ABCC2: variants seen among roughly 807,000 people sequenced by gnomAD.
The protein encoded by ABCC2 is ATP binding cassette subfamily C member 2.
ABCC2 carries 157 observed loss-of-function variants against 173.4 expected under a neutral mutation model. The observed-to-expected ratio is 0.91, with a 90% CI of 0.80 to 1.03. ABCC2 has a LOEUF of 1.03. Among genes scored for constraint, ABCC2 ranks in the 50% least tolerant of loss-of-function variants. The pLI, the probability that ABCC2 is intolerant of heterozygous loss-of-function variation, is 0.00. For synonymous variants in ABCC2, 657 were observed against 693.5 expected (o/e 0.95, Z 0.83); for missense variants, 1,822 against 1,852.3 (o/e 0.98, Z 0.30).
chr10:99,792,942 A>G (rs1314915361), intron 3 of ABCC2, among the ~76,000 whole-genome samples: 1 of 152,216 alleles, frequency 6.6e-6, no homozygotes, highest in Non-Finnish European at 1.5e-5. Flanking sequence ...AGGCAGAGCA[A>G]TGTCAGCTGG....
intron 30 of ABCC2, 117 bp from the exon 31 acceptor site, chr10:99,850,485 G>A: frequency 9.8e-7 from 1 of 1,022,238 alleles, no homozygotes; most frequent in Non-Finnish European, 1.5e-6. Flanking sequence ...AACATTCCAG[G>A]GGAATTTTGG....
chr10:99,794,047 A>T (rs760256321), intron 5 of ABCC2, 48 bp downstream of exon 5: 2 of 1,505,470 alleles, frequency 1.3e-6, no homozygotes, highest in South Asian at 2.3e-5. Context: ...ATTGGATGAT[A>T]TCTTAATGAA....
chr10:99,843,949 A>G (rs768176532), intron 27 of ABCC2, 49 bp downstream of exon 27: 16 of 1,414,992 alleles, frequency 1.1e-5, no homozygotes, highest in Non-Finnish European at 1.6e-5. Flanking sequence ...ACAACATGCA[A>G]CTCCTTCGAG....
intron 29 of ABCC2, among the ~76,000 whole-genome samples, 195 bp downstream of exon 29, chr10:99,845,977 C>T (rs1468768833): frequency 6.6e-6 from 1 of 152,192 alleles, no homozygotes; most frequent in African/African-American, 2.4e-5. Context: ...GCATTTGTGG[C>T]TGCCTGTATC....
chr10:99,846,096 T>G (rs1026874792), intron 29 of ABCC2, among the ~76,000 whole-genome samples: 1 of 152,194 alleles, frequency 6.6e-6, no homozygotes, highest in Non-Finnish European at 1.5e-5. Flanking sequence ...GCATTAGCAG[T>G]TTTGCCGCTG....
intron 30 of ABCC2, among the ~76,000 whole-genome samples, chr10:99,848,990 C>T (rs767748193): frequency 7.8e-4 from 118 of 152,082 alleles, no homozygotes; most frequent in Non-Finnish European, 1.5e-3. Flanking sequence ...TTTGGGAGGC[C>T]GAGGCAGCCG....
rs766294851 is a variant in ABCC2 at position 99,851,488 on chromosome 10, C to T, written c.4509-14C>T. 1.9e-6 allele frequency: 3 copies of T among 1,613,852 alleles called. No individual in the cohort carries two copies. The African/African-American group carries it at 4.0e-5, about 22-fold the overall frequency. On this transcript the variant is annotated splice_polypyrimidine_tract_variant and intron_variant, in intron 31 of 31. Coordinates refer to ENST00000647814, the MANE Select transcript of ABCC2 (RefSeq NM_000392.5). ...TGCTTTCTAAGACTTTTATTTCTTTCTTCCTTGTTTCAGGGTAATGGTCCT... is the reference window on the plus strand; with the variant it reads ...TGCTTTCTAAGACTTTTATTTCTTTTTTCCTTGTTTCAGGGTAATGGTCCT...
chr10:99,794,709 T>G lies in ABCC2; in HGVS notation c.632+241T>G, dbSNP rs2037868980. On this transcript the variant is annotated intron_variant, in intron 6 of 31. Transcript: ENST00000647814. ...ACAGGTGTGAGCTACCATGCCCAGC[T>G]AATTTTTGTATTTTTAGTAGAGACG... 6.5e-6 allele frequency: 3 copies of G among 459,026 alleles called. No homozygotes were observed. The Admixed American group carries it at 1.0e-4, about 16-fold the overall frequency. 28.4% of individuals were successfully genotyped at this position (459,026 alleles called of 1,614,324 possible).
At chr10:99,835,432 A>G (rs950358196) in intron 24 of ABCC2, among the ~76,000 whole-genome samples, 1 of 151,926 alleles carries the variant, frequency 6.6e-6, no homozygotes, top group South Asian at 2.1e-4. Flanking sequence ...CCCAGGTTTC[A>G]ACAAATCCTC....
In ABCC2 at chr10:99,834,507, C is replaced by T; in HGVS notation, c.3386C>T (p.Pro1129Leu). The part of the protein sequence containing the change: ...ATPVFTIIVI[P>L]LGIIYVSVQM... ...CCTGTCTTCACCATCATCGTCATTC[C>T]TCTTGGCATTATTTATGTATCTGTT... Residue 1129 changes from proline to leucine, a missense_variant, in exon 24 of 32, where the codon CCT (proline) becomes CTT (leucine). Physicochemically the swap from Pro to Leu is moderately conservative, Grantham distance 98 (BLOSUM62 -3). Transcript: ENST00000647814. 1 of 1,614,164 alleles carries T rather than the reference C, an allele frequency of 6.2e-7. No homozygotes were observed. The highest frequency in any genetic ancestry group is 8.5e-7 in the Non-Finnish European group (1 of 1,180,030).
intron 11 of ABCC2, 40 bp downstream of exon 11, chr10:99,805,487 C>A: frequency 6.3e-7 from 1 of 1,590,868 alleles, no homozygotes; most frequent in African/African-American, 1.3e-5. Context: ...TGGGTAAGGA[C>A]AGAAGCAGTG....
chr10:99,830,071 A>G (rs985192977), intron 19 of ABCC2, among the ~76,000 whole-genome samples: 1 of 152,114 alleles, frequency 6.6e-6, no homozygotes, highest in African/African-American at 2.4e-5. Flanking sequence ...CATTTTGACC[A>G]TTTTCTCTTC....
intron 19 of ABCC2, among the ~76,000 whole-genome samples, chr10:99,824,747 G>A (rs932978718): frequency 6.6e-6 from 1 of 152,262 alleles, no homozygotes; most frequent in South Asian, 2.1e-4. Context: ...ACCCGGGTTG[G>A]AGAGGCCCCA....
rs922430806 is a variant in ABCC2 at position 99,851,855 on chromosome 10, C to T, written c.*224C>T. 6 of 448,158 alleles carry T rather than the reference C, an allele frequency of 1.3e-5. No individual in the cohort carries two copies. Among genetic ancestry groups the T allele is most frequent in the African/African-American group, 9.9e-5 (5 of 50,412 alleles). The allele number at this position is 448,158 out of a possible 1,614,324, so 27.8% of individuals were successfully genotyped here. On this transcript the variant is annotated 3_prime_UTR_variant, in exon 32 of 32. Coordinates refer to ENST00000647814, the MANE Select transcript of ABCC2 (RefSeq NM_000392.5). ...CTCGATCGTACTTCCTTGCTACCCACCCCTCCCAGGGACAACCACTGTCCT... is the reference window on the plus strand; with the variant it reads ...CTCGATCGTACTTCCTTGCTACCCATCCCTCCCAGGGACAACCACTGTCCT...
chr10:99,782,699 A>G lies in ABCC2; in HGVS notation c.-146A>G. Reference sequence around the variant, plus strand: ...GCATCTAGGCAAGGTTAACGATTAAATGGTTGGGATGAAAGGTCATCCTTT... The same window carrying G: ...GCATCTAGGCAAGGTTAACGATTAAGTGGTTGGGATGAAAGGTCATCCTTT... On this transcript the variant is annotated 5_prime_UTR_variant, in exon 1 of 32. The change abolishes an upstream ATG in the 5' untranslated region. Coordinates refer to ENST00000647814, the MANE Select transcript of ABCC2 (RefSeq NM_000392.5). 4 of 927,464 alleles carry G rather than the reference A, an allele frequency of 4.3e-6. No individual in the cohort carries two copies. The highest frequency in any genetic ancestry group is 6.8e-6 in the Non-Finnish European group (4 of 588,514). The allele number at this position is 927,464 out of a possible 1,614,324, so 57.5% of individuals were successfully genotyped here.
intron 19 of ABCC2, among the ~76,000 whole-genome samples, chr10:99,822,112 A>C (rs928962676): frequency 2.6e-5 from 4 of 152,116 alleles, no homozygotes; most frequent in African/African-American, 9.7e-5. Context: ...ATATACTTCT[A>C]TAGGATTATC....
chr10:99,821,503 G>GGCCTTCC (rs1453760573), intron 19 of ABCC2, among the ~76,000 whole-genome samples: 1 of 152,066 alleles, frequency 6.6e-6, no homozygotes, highest in Non-Finnish European at 1.5e-5. Flanking sequence ...AGGTCCCTGC[G>GGCCTTCC]GCCTTCCGCA....
In ABCC2 at chr10:99,836,224, T is replaced by C. The variant is rs1202156660; in HGVS notation, c.3548T>C (p.Leu1183Pro). The change falls in exon 25 of 32, where the codon CTG (leucine) becomes CCG (proline). Residue 1183 changes from leucine (L) to proline (P), a missense_variant. Coordinates refer to ENST00000647814, the MANE Select transcript of ABCC2 (RefSeq NM_000392.5). ...IRAFEHQQRF[L>P]KHNEVRIDTN... ...GCCTTTGAGCACCAGCAGCGATTTC[T>C]GAAACACAATGAGGTGAGGATTGAC... The C allele has an allele frequency of 3.1e-6, 5 of 1,614,116 alleles. No individual in the cohort carries two copies. Among genetic ancestry groups the C allele is most frequent in the Non-Finnish European group, 4.2e-6 (5 of 1,180,046 alleles).
Position 99,784,796 on chromosome 10 carries a change from A to C in ABCC2, c.207+15A>C, listed in dbSNP as rs1330658930. On this transcript the variant is annotated intron_variant, in intron 2 of 31. Transcript: ENST00000647814. Reference sequence around the variant, plus strand: ...TTGCTAAGCAGGTAAAGTTAACACCACTGTTTCTGAACTCTAATTCCTTGG... The same window carrying C: ...TTGCTAAGCAGGTAAAGTTAACACCCCTGTTTCTGAACTCTAATTCCTTGG... The C allele has an allele frequency of 6.2e-7, 1 of 1,612,410 alleles. No homozygotes were observed. The highest frequency in any genetic ancestry group is 1.7e-5 in the Admixed American group (1 of 59,940).
Sources: gnomAD v4.1 joint callset for allele counts (sites outside exome capture counted in the v4.1 genomes callset) on GRCh38, gnomAD v4.1.1 for gene constraint, MANE v1.5 for transcripts, NCBI Gene and HGNC (gene_info 2026-07-23, HGNC 2026-07-21) for gene names.